TAOK3: variants seen among roughly 807,000 people sequenced by gnomAD.
TAOK3 encodes TAO kinase 3.
TAOK3 carries 40 observed loss-of-function variants against 120.4 expected under a neutral mutation model. That is an observed-to-expected ratio of 0.33 (90% CI 0.26 to 0.43). TAOK3 has a LOEUF of 0.43. Ranked by LOEUF, TAOK3 falls within the 20% of genes least tolerant of loss-of-function variation. The pLI is 1.00. For missense variants in TAOK3, 821 were observed against 1,112.1 expected (o/e 0.74, Z 3.72); for synonymous variants, 355 against 387.5 (o/e 0.92, Z 0.99).
intron 15 of TAOK3, among the ~76,000 whole-genome samples, chr12:118,179,645 T>G (rs1230629272): frequency 5.4e-5 from 8 of 148,432 alleles, no homozygotes; most frequent in African/African-American, 2.0e-4. Flanking sequence ...ACCCTTCTGT[T>G]TTTTTTTTTT....
At chr12:118,217,860 T>TATAC (rs1158528636) in intron 9 of TAOK3, among the ~76,000 whole-genome samples, 15 of 81,664 alleles carry the variant, frequency 1.8e-4, no homozygotes, top group Admixed American at 3.4e-4. Flanking sequence ...TATATATATA[T>TATAC]ACACTTTTTT....
At chr12:118,165,355 T>C (rs1236721845) in intron 17 of TAOK3, among the ~76,000 whole-genome samples, 1 of 152,132 alleles carries the variant, frequency 6.6e-6, no homozygotes. Flanking sequence ...AATTGAGAAA[T>C]GCAAACTGAG....
chr12:118,220,540 T>TA (rs200969487), intron 9 of TAOK3, among the ~76,000 whole-genome samples: 205 of 147,890 alleles, frequency 1.4e-3, no homozygotes, highest in South Asian at 3.2e-3. Context: ...GGCAAAAGGT[T>TA]AAAAAAAAAC....
chr12:118,368,809 CA>C (rs199730652), intron 1 of TAOK3, among the ~76,000 whole-genome samples: 1 of 105,968 alleles, frequency 9.4e-6, no homozygotes, highest in Non-Finnish European at 2.1e-5. Context: ...CTGTCTCAAA[CA>C]AAAAAAATAA....
At chr12:118,233,080 T>C (rs1236754307) in intron 9 of TAOK3, among the ~76,000 whole-genome samples, 1 of 151,758 alleles carries the variant, frequency 6.6e-6, no homozygotes, top group African/African-American at 2.4e-5. Context: ...CCATAAAAAA[T>C]GATGAGTTCA....
chr12:118,274,532 TATGGAG>T, intron 1 of TAOK3, among the ~76,000 whole-genome samples: 1 of 152,198 alleles, frequency 6.6e-6, no homozygotes, highest in Non-Finnish European at 1.5e-5. Flanking sequence ...TTTGATTTCT[TATGGAG>T]TATTATTTTC....
Position 118,372,134 on chromosome 12 carries a change from T to C in TAOK3, c.-194+514A>G, listed in dbSNP as rs56324376. On this transcript the variant is annotated intron_variant, in intron 1 of 20. Transcript: ENST00000392533. This position sits in a 1 kb window ranked among gnomAD's most constrained non-coding sequence, Gnocchi z 4.6. ...CCCCTCTCTTTACTCTGTCCTGGAT[T>C]CTCTCTGGGTCCCCTCCCCTCACCT... is the stretch of plus-strand genomic sequence containing the variant. Among the ~76,000 whole-genome samples, 42,049 of 150,380 alleles carry C rather than the reference T, an allele frequency of 0.28. 6,900 individuals are homozygous for C. The highest frequency in any genetic ancestry group is 0.46 in the African/African-American group (19,021 of 40,960).
chr12:118,344,763 T>C (rs1240885871), intron 1 of TAOK3, among the ~76,000 whole-genome samples: 1 of 152,166 alleles, frequency 6.6e-6, no homozygotes, highest in Non-Finnish European at 1.5e-5. Context: ...ATTAACAGTG[T>C]TATGGCTTTA....
chr12:118,200,242 GTTTAT>G (rs1456245849), intron 12 of TAOK3: 3 of 152,000 alleles, frequency 2.0e-5, no homozygotes, highest in African/African-American at 4.8e-5. Flanking sequence ...ATACTTTTAT[GTTTAT>G]TTTATTTTCT....
At chr12:118,332,576 A>T (rs1206602656) in intron 1 of TAOK3, among the ~76,000 whole-genome samples, 1 of 152,222 alleles carries the variant, frequency 6.6e-6, no homozygotes, top group Non-Finnish European at 1.5e-5. Context: ...AATAAAGAAG[A>T]TTAAATCTTT....
chr12:118,152,885 A>G lies in TAOK3; in HGVS notation c.2353-476T>C, dbSNP rs112779145. The G allele has an allele frequency of 5.5e-3, 854 of 153,908 alleles. 3 individuals are homozygous for G. Among genetic ancestry groups the G allele is most frequent in the African/African-American group, 0.019 (790 of 41,620 alleles). 9.5% of individuals were successfully genotyped at this position (153,908 alleles called of 1,614,324 possible). A position where few individuals can be genotyped will look rare whatever the true frequency, so the allele number is the denominator to read the frequency against. On this transcript the variant is annotated intron_variant, in intron 19 of 20. Transcript: ENST00000392533. ...GTTCTCAATGCATTACAAGTTTTCA[A>G]TAAATAGTAGTGGTTATCATTATTT...
At chr12:118,299,861 G>A (rs907542557) in intron 1 of TAOK3, among the ~76,000 whole-genome samples, 2 of 151,872 alleles carry the variant, frequency 1.3e-5, no homozygotes, top group African/African-American at 4.8e-5. Flanking sequence ...TATCTTTCTG[G>A]CTGACATCTA....
At chr12:118,280,598 C>A (rs898215138) in intron 1 of TAOK3, among the ~76,000 whole-genome samples, 1 of 152,148 alleles carries the variant, frequency 6.6e-6, no homozygotes, top group Non-Finnish European at 1.5e-5. Context: ...GTTACTATAT[C>A]ATTATAGTTT....
chr12:118,270,923 C>T (rs527875014), intron 1 of TAOK3, among the ~76,000 whole-genome samples: 20 of 151,960 alleles, frequency 1.3e-4, no homozygotes, highest in Admixed American at 9.2e-4. Flanking sequence ...GTGATCCGCC[C>T]GCCTCAGCCT....
intron 1 of TAOK3, among the ~76,000 whole-genome samples, chr12:118,280,594 A>G (rs1347889450): frequency 6.6e-6 from 1 of 152,158 alleles, no homozygotes; most frequent in Non-Finnish European, 1.5e-5. Flanking sequence ...CTTGGTTACT[A>G]TATCATTATA....
At chr12:118,296,257 G>A (rs1243932010) in intron 1 of TAOK3, among the ~76,000 whole-genome samples, 1 of 152,094 alleles carries the variant, frequency 6.6e-6, no homozygotes, top group Admixed American at 6.6e-5. Flanking sequence ...TCAGTCTCCT[G>A]AGTAGCTGGG....
At chr12:118,308,381 A>G (rs1466123065) in intron 1 of TAOK3, among the ~76,000 whole-genome samples, 1 of 152,182 alleles carries the variant, frequency 6.6e-6, no homozygotes, top group Non-Finnish European at 1.5e-5. Flanking sequence ...TTATGCCTTT[A>G]CTTTCTTAAT....
rs1009369439 is a variant in TAOK3, at chr12:118,252,067, C to T, written c.120+3381G>A. ...CGATCTCCTGACCTCGTGATCCACCCGCCTCGGCCTCCCAAGTGCTGGGAC... is the reference window on the plus strand; with the variant it reads ...CGATCTCCTGACCTCGTGATCCACCTGCCTCGGCCTCCCAAGTGCTGGGAC... On this transcript the variant is annotated intron_variant, in intron 3 of 20. Coordinates refer to ENST00000392533, the MANE Select transcript of TAOK3 (RefSeq NM_016281.4). Among the ~76,000 whole-genome samples the T allele has an allele frequency of 2.2e-4, 33 of 152,192 alleles. 1 individual carries two copies. The highest frequency in any genetic ancestry group is 7.2e-4 in the African/African-American group (30 of 41,532).
chr12:118,199,432 C>T (rs2139248167), intron 12 of TAOK3, 175 bp from the exon 13 acceptor site: 2 of 620,606 alleles, frequency 3.2e-6, no homozygotes, highest in East Asian at 5.5e-5. Context: ...TCATACATCT[C>T]ATATTTGCTT....
Sources: gnomAD v4.1 joint callset for allele counts (sites outside exome capture counted in the v4.1 genomes callset) on GRCh38, gnomAD v4.1.1 for gene constraint, Gnocchi (gnomAD v3.1) non-coding constraint, MANE v1.5 for transcripts, NCBI Gene and HGNC (gene_info 2026-07-23, HGNC 2026-07-21) for gene names.